TLR7: variants seen among roughly 807,000 people sequenced by gnomAD.
TLR7 encodes the protein toll like receptor 7, also known as toll-like receptor 7.
Under a neutral mutation model 38.3 loss-of-function variants are expected in TLR7, and 12 were observed. That is an observed-to-expected ratio of 0.31 (90% CI 0.20 to 0.51). The LOEUF is 0.51. TLR7 is among the 20% of genes least tolerant of loss of function. TLR7 has a pLI of 0.98. For missense variants in TLR7, 504 were observed against 743.4 expected (o/e 0.68, Z 3.74); for synonymous variants, 285 against 293.8 (o/e 0.97, Z 0.31).
Position 12,888,206 on chromosome X carries a change from A to G in TLR7, c.2698A>G (p.Lys900Glu). 1 of 1,211,714 alleles carries G rather than the reference A, an allele frequency of 8.3e-7. No homozygotes were observed. The highest frequency in any genetic ancestry group is 1.1e-6 in the Non-Finnish European group (1 of 895,398). The part of the protein sequence containing the change: ...CYDAFIVYDT[K>E]DPAVTEWVLA... ...TGATGCTTTTATTGTGTATGACACT[A>G]AAGACCCAGCTGTGACCGAGTGGGT... Residue 900 changes from lysine (K) to glutamate (E), a missense_variant, in exon 3 of 3, where the codon AAA becomes GAA. Transcript: ENST00000380659.
intron 2 of TLR7, among the ~76,000 whole-genome samples, chrX:12,878,860 G>C: frequency 8.9e-6 from 1 of 111,969 alleles, no homozygotes; most frequent in Non-Finnish European, 1.9e-5. Context: ...GAAGTGCTTA[G>C]AAAATGTACA....
intron 2 of TLR7, among the ~76,000 whole-genome samples, chrX:12,868,235 C>T (rs371356434): frequency 8.9e-6 from 1 of 111,809 alleles, no homozygotes; most frequent in African/African-American, 3.3e-5. Flanking sequence ...GCTAAACCGA[C>T]CTGACAGGAT....
At chrX:12,876,060 G>A (rs1367881114) in intron 2 of TLR7, among the ~76,000 whole-genome samples, 16 of 108,619 alleles carry the variant, frequency 1.5e-4, no homozygotes, top group Non-Finnish European at 2.9e-4. Context: ...CCGAGTTCAA[G>A]CAATTCTCCT....
Position 12,886,577 on chromosome X carries a change from C to T in TLR7, c.1069C>T (p.Arg357Cys), listed in dbSNP as rs755359069. ...TTTCAATTTTGAACTTCAGGTCTATCGTGCATCTATGAATCTATCACAAGC... is the reference window on the plus strand; with the variant it reads ...TTTCAATTTTGAACTTCAGGTCTATTGTGCATCTATGAATCTATCACAAGC... ...LSFNFELQVY[R>C]ASMNLSQAFS... Residue 357 changes from arginine (R) to cysteine (C), a missense_variant, in exon 3 of 3, where the codon CGT becomes TGT. Physicochemically the swap from Arg to Cys is radical, Grantham distance 180 (BLOSUM62 -3). Transcript: ENST00000380659. 43 of 1,210,268 alleles carry T rather than the reference C, an allele frequency of 3.6e-5. No homozygotes were observed. Among genetic ancestry groups the T allele is most frequent in the Non-Finnish European group, 4.2e-5 (38 of 895,233 alleles).
chrX:12,875,765 G>A (rs1304098499), intron 2 of TLR7, among the ~76,000 whole-genome samples: 7 of 112,033 alleles, frequency 6.2e-5, no homozygotes, highest in African/African-American at 2.0e-4. Flanking sequence ...GGCCTCCTCA[G>A]TCATGTGGAA....
rs772473903 is a variant in TLR7, at chrX:12,886,214, A to G, written c.706A>G (p.Met236Val). The change falls in exon 3 of 3, where the codon ATG (methionine) becomes GTG (valine). Residue 236 changes from methionine to valine, a missense_variant. By Grantham distance (21) the Met-to-Val change is conservative. Coordinates refer to ENST00000380659, the MANE Select transcript of TLR7 (RefSeq NM_016562.4). ...TLTELYLYNN[M>V]IAKIQEDDFN... ...AACAGAACTATATCTCTACAACAAC[A>G]TGATTGCAAAAATCCAAGAAGATGA... is the stretch of plus-strand genomic sequence containing the variant. 2.5e-6 allele frequency: 3 copies of G among 1,210,139 alleles called. No individual in the cohort carries two copies. Among genetic ancestry groups the G allele is most frequent in the South Asian group, 3.5e-5 (2 of 56,845 alleles).
intron 2 of TLR7, among the ~76,000 whole-genome samples, chrX:12,872,631 C>T (rs2042857242): frequency 1.8e-5 from 2 of 110,658 alleles, no homozygotes; most frequent in South Asian, 7.7e-4. Context: ...AACTACCCAC[C>T]ATGTCTTTCG....
At position 12,886,003 on chromosome X, in the gene TLR7, A is replaced by ATC; in HGVS notation, c.495_496insTC (p.Glu166SerfsTer4). The ATC allele has an allele frequency of 8.2e-7, 1 of 1,212,151 alleles. No individual in the cohort carries two copies. The highest frequency in any genetic ancestry group is 1.1e-6 in the Non-Finnish European group (1 of 895,637). ...CCAACAACATCTTTTCCATCAGAAA[A>ATC]GAGAATCTAACAGAACTGGCCAACA... On this transcript the variant is annotated frameshift_variant, in exon 3 of 3. Transcript: ENST00000380659. LOFTEE classifies it high-confidence loss of function.
Position 12,889,804 on chromosome X carries a change from A to G in TLR7, c.*1146A>G, listed in dbSNP as rs1180549435. 1.8e-5 allele frequency: 2 copies of G among 112,920 alleles called. No individual in the cohort carries two copies. The highest frequency in any genetic ancestry group is 3.2e-5 in the African/African-American group (1 of 31,129). The allele number at this position is 112,920 out of a possible 1,213,427, so 9.3% of individuals were successfully genotyped here. On this transcript the variant is annotated 3_prime_UTR_variant, in exon 3 of 3. Transcript: ENST00000380659. Reference sequence around the variant, plus strand: ...GCCATATATTTGTAAGTATCTGCACACTTGATACAGCAACGTTAGATGGTT... The same window carrying G: ...GCCATATATTTGTAAGTATCTGCACGCTTGATACAGCAACGTTAGATGGTT...
chrX:12,870,922 G>A (rs181629908), intron 2 of TLR7, among the ~76,000 whole-genome samples: 16 of 111,956 alleles, frequency 1.4e-4, no homozygotes, highest in African/African-American at 4.9e-4. Flanking sequence ...ACGTCAGGCC[G>A]GGGCTTATAG....
chrX:12,887,907 A>G lies in TLR7; in HGVS notation c.2399A>G (p.His800Arg). The G allele has an allele frequency of 4.1e-6, 5 of 1,211,876 alleles. No homozygotes were observed. Among genetic ancestry groups the G allele is most frequent in the Non-Finnish European group, 5.6e-6 (5 of 895,551 alleles). The stretch of plus-strand genomic sequence containing the variant: ...GTGTGGTTTGTCTGGTGGGTTAACC[A>G]TACGGAGGTGACTATTCCTTACCTG... ...DAVWFVWWVN[H>R]TEVTIPYLAT... Residue 800 changes from histidine to arginine, a missense_variant, in exon 3 of 3, where the codon CAT (histidine) becomes CGT (arginine). Physicochemically the swap from His to Arg is conservative, Grantham distance 29 (BLOSUM62 0). Transcript: ENST00000380659.
At chrX:12,876,373 A>G (rs1391265616) in intron 2 of TLR7, among the ~76,000 whole-genome samples, 2 of 112,706 alleles carry the variant, frequency 1.8e-5, no homozygotes, top group East Asian at 5.5e-4. Flanking sequence ...ACTTGAACTG[A>G]AAAGGAAATT....
intron 2 of TLR7, 93 bp downstream of exon 2, chrX:12,867,674 G>C: frequency 4.5e-6 from 4 of 896,983 alleles, no homozygotes; most frequent in Non-Finnish European, 6.4e-6. Flanking sequence ...TGAAGAATCT[G>C]TACTTAGGTT....
rs201018444 is a variant in TLR7 at position 12,889,999 on chromosome X, G to A, written c.*1341G>A. On this transcript the variant is annotated 3_prime_UTR_variant, in exon 3 of 3. Coordinates refer to ENST00000380659, the MANE Select transcript of TLR7 (RefSeq NM_016562.4). ...TTCACATTGAGAAAGCTTCAGTTTT[G>A]AACTTCAGCTATCAGATTCAAAAAC... 1 of 112,753 alleles carries A rather than the reference G, an allele frequency of 8.9e-6. No individual in the cohort carries two copies. The allele number at this position is 112,753 out of a possible 1,213,427, so 9.3% of individuals were successfully genotyped here.
chrX:12,867,687 T>G lies in TLR7; in HGVS notation c.3+106T>G, dbSNP rs187864051. The G allele has an allele frequency of 5.1e-5, 41 of 798,420 alleles. No homozygotes were observed. In the Admixed American group the frequency reaches 8.6e-4, roughly 17 times the overall value. The allele number at this position is 798,420 out of a possible 1,213,427, so 65.8% of individuals were successfully genotyped here. A position where few individuals can be genotyped will look rare whatever the true frequency, so the allele number is the denominator to read the frequency against. On this transcript the variant is annotated intron_variant, in intron 2 of 2. Transcript: ENST00000380659. ...ATTGAAGAATCTGTACTTAGGTTAT[T>G]TGCTGGGGGAAAGTGCTTCCTGATA...
chrX:12,875,863 T>A (rs967455407), intron 2 of TLR7, among the ~76,000 whole-genome samples: 13 of 112,140 alleles, frequency 1.2e-4, no homozygotes, highest in African/African-American at 3.9e-4. Context: ...ACTAATACAA[T>A]GGACATTGGA....
intron 2 of TLR7, among the ~76,000 whole-genome samples, chrX:12,873,805 T>A (rs981509663): frequency 2.7e-5 from 3 of 112,234 alleles, no homozygotes; most frequent in African/African-American, 9.7e-5. Flanking sequence ...AATGCTGCTT[T>A]AAAAATCCCC....
chrX:12,867,765 C>T (rs1374944607), intron 2 of TLR7, among the ~76,000 whole-genome samples, 184 bp downstream of exon 2: 4 of 112,531 alleles, frequency 3.6e-5, no homozygotes, highest in African/African-American at 6.5e-5. Flanking sequence ...GATTAATCAA[C>T]GCTTGCTCTG....
intron 2 of TLR7, among the ~76,000 whole-genome samples, chrX:12,873,432 A>G (rs777028736): frequency 8.9e-6 from 1 of 112,554 alleles, no homozygotes; most frequent in East Asian, 2.8e-4. Context: ...TTGTCCACTG[A>G]TGTCCCAAAC....
Sources: gnomAD v4.1 joint callset for allele counts (sites outside exome capture counted in the v4.1 genomes callset) on GRCh38, gnomAD v4.1.1 for gene constraint, MANE v1.5 for transcripts, NCBI Gene and HGNC (gene_info 2026-07-23, HGNC 2026-07-21) for gene names.